Variants in MTMR3 observed in about 807,000 individuals in gnomAD.
MTMR3 encodes the protein phosphatidylinositol-3,5-bisphosphate 3-phosphatase MTMR3.
Under a neutral mutation model 132.4 loss-of-function variants are expected in MTMR3, and 32 were observed. The observed-to-expected ratio is 0.24, with a 90% CI of 0.18 to 0.32. MTMR3 has a LOEUF of 0.32. Ranked by LOEUF, MTMR3 falls within the 10% of genes least tolerant of loss-of-function variation. The probability of loss-of-function intolerance (pLI) is 1.00; values close to 1 mark genes in which losing one functional copy is unlikely to be tolerated. For synonymous variants in MTMR3, 556 were observed against 550.3 expected, an observed-to-expected ratio of 1.01 and a Z score of -0.14; for missense variants, 1,216 against 1,489.6, an observed-to-expected ratio of 0.82 and a Z score of 3.02.
intron 5 of MTMR3, chr22:29,981,202 A>G (rs988435522): frequency 6.6e-6 from 1 of 152,238 alleles, no homozygotes; most frequent in Non-Finnish European, 1.5e-5. Context: ...TTCAAGATCC[A>G]GCATGTCTCC....
At chr22:29,968,654 G>A (rs922604918) in intron 2 of MTMR3, among the ~76,000 whole-genome samples, 3 of 152,062 alleles carry the variant, frequency 2.0e-5, no homozygotes, top group Non-Finnish European at 4.4e-5. Flanking sequence ...CTTAACATTA[G>A]TTATCTGTTT....
intron 1 of MTMR3, among the ~76,000 whole-genome samples, chr22:29,906,278 GTCTGTCTGTCTATCTA>G (rs1436631887): frequency 0.031 from 2,133 of 68,144 alleles, 15 homozygotes; most frequent in South Asian, 0.044. Context: ...CTGTCTGTCT[GTCTGTCTGTCTATCTA>G]TCTATCTATC....
chr22:29,965,803 G>A (rs1006908852), intron 2 of MTMR3, among the ~76,000 whole-genome samples: 1 of 152,168 alleles, frequency 6.6e-6, no homozygotes, highest in Non-Finnish European at 1.5e-5. Context: ...TTCTAGTTCA[G>A]TGTCACTACA....
At chr22:30,013,650 G>T in intron 14 of MTMR3, 109 bp downstream of exon 14, 1 of 1,078,328 alleles carries the variant, frequency 9.3e-7, no homozygotes, top group Non-Finnish European at 1.3e-6. Context: ...ATTTAATAGA[G>T]GTGATTTTTT....
intron 1 of MTMR3, among the ~76,000 whole-genome samples, chr22:29,939,717 G>T (rs1048553864): frequency 1.3e-5 from 2 of 151,824 alleles, no homozygotes; most frequent in Non-Finnish European, 2.9e-5. Context: ...ATTCAGGGTG[G>T]TATGGCCGTA....
At chr22:30,001,390 C>G (rs1310138486) in intron 8 of MTMR3, 1 of 151,500 alleles carries the variant, frequency 6.6e-6, no homozygotes, top group African/African-American at 2.4e-5. Context: ...GACTCCATCT[C>G]AAAGAAAAAA....
chr22:29,924,523 G>A (rs74842597), intron 1 of MTMR3, among the ~76,000 whole-genome samples: 1 of 152,206 alleles, frequency 6.6e-6, no homozygotes, highest in African/African-American at 2.4e-5. Context: ...TTCTTTTCAA[G>A]TTCACTTTGG....
At chr22:29,886,639 A>G (rs1170045593) in intron 1 of MTMR3, among the ~76,000 whole-genome samples, 2 of 152,182 alleles carry the variant, frequency 1.3e-5, no homozygotes, top group African/African-American at 2.4e-5. Context: ...TTCATCTCAT[A>G]TAGGTAGATG....
intron 1 of MTMR3, among the ~76,000 whole-genome samples, chr22:29,943,117 A>G (rs1428000006): frequency 6.6e-6 from 1 of 152,148 alleles, no homozygotes; most frequent in Admixed American, 6.5e-5. Context: ...TTCACAATTT[A>G]TGTTCTGTCA....
At chr22:29,885,041 C>G (rs2064643466) in intron 1 of MTMR3, among the ~76,000 whole-genome samples, 1 of 152,140 alleles carries the variant, frequency 6.6e-6, no homozygotes, top group Admixed American at 6.5e-5. Context: ...CCCCGCTTGT[C>G]GTTAATGACC....
In MTMR3 at chr22:30,029,490, C is replaced by T. The variant is rs1389840397; in HGVS notation, c.*3689C>T. 1 of 152,280 alleles carries T rather than the reference C, an allele frequency of 6.6e-6. No homozygotes were observed. The highest frequency in any genetic ancestry group is 1.5e-5 in the Non-Finnish European group (1 of 68,032). The allele number at this position is 152,280 out of a possible 1,614,324, so 9.4% of individuals were successfully genotyped here. A position where few individuals can be genotyped will look rare whatever the true frequency, so the allele number is the denominator to read the frequency against. On this transcript the variant is annotated 3_prime_UTR_variant, in exon 20 of 20. Transcript: ENST00000401950. ...AGAATGAACAGAAGGTGCTGGAGGA[C>T]CTGTTAAACAATCTCTGGCTATTAA... is the stretch of plus-strand genomic sequence containing the variant.
intron 5 of MTMR3, chr22:29,987,092 A>C (rs2066874597): frequency 6.6e-6 from 1 of 152,194 alleles, no homozygotes; most frequent in Admixed American, 6.5e-5. Context: ...TTGTAAGGGA[A>C]TTTTTATAGA....
At chr22:29,981,212 C>G (rs1265314664) in intron 5 of MTMR3, 1 of 152,170 alleles carries the variant, frequency 6.6e-6, no homozygotes, top group Non-Finnish European at 1.5e-5. Context: ...AGCATGTCTC[C>G]TGGTGCCACA....
At chr22:29,968,665 C>A (rs1850710009) in intron 2 of MTMR3, among the ~76,000 whole-genome samples, 1 of 152,072 alleles carries the variant, frequency 6.6e-6, no homozygotes, top group South Asian at 2.1e-4. Context: ...TTATCTGTTT[C>A]TTTGTTTCTA....
intron 1 of MTMR3, among the ~76,000 whole-genome samples, chr22:29,939,812 A>G (rs1325974696): frequency 2.0e-5 from 3 of 152,178 alleles, no homozygotes; most frequent in East Asian, 1.9e-4. Flanking sequence ...CTAAGCCATC[A>G]TATCTCCTGT....
chr22:30,010,916 G>C (rs1369888606), intron 12 of MTMR3: 1 of 152,146 alleles, frequency 6.6e-6, no homozygotes, highest in East Asian at 1.9e-4. Flanking sequence ...TAAACAGTGG[G>C]ACTCCCTACT....
chr22:30,016,901 G>GC lies in MTMR3; in HGVS notation c.1674+204dup, dbSNP rs2067605753. The GC allele has an allele frequency of 2.8e-5, 17 of 605,768 alleles. No individual in the cohort carries two copies. The South Asian group carries it at 3.9e-4, about 14-fold the overall frequency. 37.5% of individuals were successfully genotyped at this position (605,768 alleles called of 1,614,324 possible). A position where few individuals can be genotyped will look rare whatever the true frequency, so the allele number is the denominator to read the frequency against. ...TCTGATCTGTTTCTGATGACTACTT[G>GC]CTGAGGGTGGTTTGGTTTAACACAG... is the stretch of plus-strand genomic sequence containing the variant. On this transcript the variant is annotated intron_variant, in intron 15 of 19. Transcript: ENST00000401950.
chr22:30,007,345 A>G (rs1402609271), intron 10 of MTMR3, 26 bp downstream of exon 10: 4 of 1,605,806 alleles, frequency 2.5e-6, no homozygotes, highest in Non-Finnish European at 3.4e-6. Context: ...GACCCATGGC[A>G]ATGATTTTTA....
intron 1 of MTMR3, among the ~76,000 whole-genome samples, chr22:29,916,055 A>G (rs541154444): frequency 6.9e-4 from 105 of 152,044 alleles, no homozygotes; most frequent in Non-Finnish European, 8.1e-4. Flanking sequence ...TCTTTTTGCT[A>G]TTGTCATACA....
Sources: gnomAD v4.1 joint callset for allele counts (sites outside exome capture counted in the v4.1 genomes callset) on GRCh38, gnomAD v4.1.1 for gene constraint, MANE v1.5 for transcripts, NCBI Gene and HGNC (gene_info 2026-07-23, HGNC 2026-07-21) for gene names.